The following ZSCAN20 variants were observed in gnomAD, a reference collection of about 807,000 sequenced individuals.
ZSCAN20 encodes zinc finger and SCAN domain containing 20, also known as zinc finger and SCAN domain-containing protein 20.
Under a neutral mutation model 97.1 loss-of-function variants are expected in ZSCAN20, and 39 were observed. That is an observed-to-expected ratio of 0.40 (90% CI 0.31 to 0.52). ZSCAN20 has a LOEUF of 0.52. Among genes scored for constraint, ZSCAN20 ranks in the 20% least tolerant of loss-of-function variants. The probability of loss-of-function intolerance (pLI) is 0.49; values close to 1 mark genes in which losing one functional copy is unlikely to be tolerated. For missense variants in ZSCAN20, 1,115 were observed against 1,290.4 expected, an observed-to-expected ratio of 0.86 and a Z score of 2.08; for synonymous variants, 456 against 467.3, an observed-to-expected ratio of 0.98 and a Z score of 0.31.
At position 33,495,205 on chromosome 1, in the gene ZSCAN20, C is replaced by T. The variant is rs1652812268; in HGVS notation, c.2861C>T (p.Thr954Ile). The change falls in exon 8 of 8, where the codon ACA becomes ATA. Residue 954 changes from threonine to isoleucine, a missense_variant. Around this residue, in one of 3 missense-constraint regions of ZSCAN20, gnomAD observed 554 missense variants for 584.9 expected, o/e 0.95. Transcript: ENST00000684572. ...CTCATCACACACCAGAGAGTGCACA[C>T]AGGAGAGAAGCCCTACAAATGCCTT... ...SKLITHQRVH[T>I]GEKPYKCLEC... 5.0e-6 allele frequency: 8 copies of T among 1,614,054 alleles called. No individual in the cohort carries two copies. Among genetic ancestry groups the T allele is most frequent in the Non-Finnish European group, 6.8e-6 (8 of 1,179,972 alleles).
In ZSCAN20 at chr1:33,473,262, C is replaced by T. The variant is rs1187449319; in HGVS notation, c.-111+571C>T. Among the ~76,000 whole-genome samples, 3 of 152,102 alleles carry T rather than the reference C, an allele frequency of 2.0e-5. No individual in the cohort carries two copies. In the South Asian group the frequency reaches 6.2e-4, roughly 32 times the overall value. ...TTTACCTACCTACCTACCTACTTAC[C>T]CACTGATTCCTCTTGCATTCTTCCA... On this transcript the variant is annotated intron_variant, in intron 1 of 7. Coordinates refer to ENST00000684572, the MANE Select transcript of ZSCAN20 (RefSeq NM_001377376.1).
Position 33,479,390 on chromosome 1 carries a change from C to A in ZSCAN20, c.102C>A (p.Ser34=). Residue 34 remains serine (S), a synonymous_variant, in exon 2 of 8, where the codon TCC becomes TCA. Coordinates refer to ENST00000684572, the MANE Select transcript of ZSCAN20 (RefSeq NM_001377376.1). ...KLEEDSWGSE[S]KLWEKDRGSV... ...AAGAGGACTCTTGGGGATCAGAATCCAAACTCTGGGAGAAGGACCGTGGCT... is the reference window on the plus strand; with the variant it reads ...AAGAGGACTCTTGGGGATCAGAATCAAAACTCTGGGAGAAGGACCGTGGCT... 2 of 1,614,244 alleles carry A rather than the reference C, an allele frequency of 1.2e-6. No homozygotes were observed. The highest frequency in any genetic ancestry group is 1.7e-6 in the Non-Finnish European group (2 of 1,180,038).
intron 1 of ZSCAN20, among the ~76,000 whole-genome samples, chr1:33,477,225 G>A (rs972605906): frequency 2.0e-5 from 3 of 152,178 alleles, no homozygotes; most frequent in Non-Finnish European, 4.4e-5. Flanking sequence ...GAAGCTGCCA[G>A]GTAGCCATGA....
rs369459518 is a variant in ZSCAN20, at chr1:33,501,039, G to A, written c.*5563G>A. ...ATTTATAGGCACTGGGGACCAGCAG[G>A]AAGTGGTGGTGAGACACTTTGAAAC... On this transcript the variant is annotated 3_prime_UTR_variant, in exon 8 of 8. Transcript: ENST00000684572. 2.6e-5 allele frequency among the ~76,000 whole-genome samples: 4 copies of A among 152,314 alleles called. No homozygotes were observed. The East Asian group carries it at 5.8e-4, about 22-fold the overall frequency.
chr1:33,495,522 TATATC>T lies in ZSCAN20; in HGVS notation c.*50_*54del. ...AAAGGAGGACTCAATGTATATATCT[TATATC>T]ATAAGATGTATGCTAGAGATAAACT... is the stretch of plus-strand genomic sequence containing the variant. On this transcript the variant is annotated 3_prime_UTR_variant, in exon 8 of 8. Transcript: ENST00000684572. The T allele has an allele frequency of 7.0e-7, 1 of 1,436,560 alleles. No individual in the cohort carries two copies. The allele number at this position is 1,436,560 out of a possible 1,614,324, so 89.0% of individuals were successfully genotyped here.
intron 3 of ZSCAN20, 114 bp downstream of exon 3, chr1:33,488,765 C>A: frequency 8.4e-7 from 1 of 1,185,406 alleles, no homozygotes. Flanking sequence ...AAGGGATAGG[C>A]TGCAGTGTGG....
Position 33,482,191 on chromosome 1 carries a change from T to C in ZSCAN20, c.417+2486T>C, listed in dbSNP as rs80284096. Among the ~76,000 whole-genome samples, 531 of 152,308 alleles carry C rather than the reference T, an allele frequency of 3.5e-3. 5 individuals carry two copies. The highest frequency in any genetic ancestry group is 0.012 in the African/African-American group (510 of 41,572). Reference sequence around the variant, plus strand: ...CCATTGTAGTGACATACAGAGTAGCTTCACTGCTGTAAAAACCCTCTGTGT... The same window carrying C: ...CCATTGTAGTGACATACAGAGTAGCCTCACTGCTGTAAAAACCCTCTGTGT... On this transcript the variant is annotated intron_variant, in intron 2 of 7. Coordinates refer to ENST00000684572, the MANE Select transcript of ZSCAN20 (RefSeq NM_001377376.1).
chr1:33,490,087 C>T (rs534329739), intron 5 of ZSCAN20, among the ~76,000 whole-genome samples: 14 of 152,274 alleles, frequency 9.2e-5, no homozygotes, highest in African/African-American at 2.9e-4. Flanking sequence ...AATAGGGAGC[C>T]GTTTCCCTGT....
chr1:33,480,084 C>A (rs10493052), intron 2 of ZSCAN20, among the ~76,000 whole-genome samples: 20,322 of 152,200 alleles, frequency 0.13, 1,451 homozygotes, highest in Middle Eastern at 0.16. Context: ...CTACCGTATT[C>A]ACAATATGAT....
At position 33,491,740 on chromosome 1, in the gene ZSCAN20, A is replaced by G. The variant is rs373871474; in HGVS notation, c.1444+38A>G. The G allele has an allele frequency of 7.2e-6, 11 of 1,522,830 alleles. No homozygotes were observed. Among genetic ancestry groups the G allele is most frequent in the East Asian group, 4.5e-5 (2 of 44,106 alleles). 94.3% of individuals were successfully genotyped at this position (1,522,830 alleles called of 1,614,324 possible). A position where few individuals can be genotyped will look rare whatever the true frequency, so the allele number is the denominator to read the frequency against. ...GGGTTTAGTCAGATTCAGATTTCCA[A>G]CCCTCCTACCAGCTAGACTGCTATT... is the stretch of plus-strand genomic sequence containing the variant. On this transcript the variant is annotated intron_variant, in intron 6 of 7. Transcript: ENST00000684572. The surrounding 1 kb of genome is among the most constrained non-coding windows in gnomAD (Gnocchi z 4.3).
chr1:33,488,769 A>G (rs1652473213), intron 3 of ZSCAN20, 118 bp downstream of exon 3: 6 of 1,136,264 alleles, frequency 5.3e-6, no homozygotes, highest in South Asian at 1.5e-5. Flanking sequence ...GATAGGCTGC[A>G]GTGTGGTGGG....
At position 33,491,821 on chromosome 1, in the gene ZSCAN20, C is replaced by A; in HGVS notation, c.1444+119C>A. 1 of 1,032,396 alleles carries A rather than the reference C, an allele frequency of 9.7e-7. No homozygotes were observed. Among genetic ancestry groups the A allele is most frequent in the Non-Finnish European group, 1.4e-6 (1 of 727,610 alleles). 64.0% of individuals were successfully genotyped at this position (1,032,396 alleles called of 1,614,324 possible). On this transcript the variant is annotated intron_variant, in intron 6 of 7. Transcript: ENST00000684572. The surrounding 1 kb of genome is among the most constrained non-coding windows in gnomAD (Gnocchi z 4.3). ...GGATTGAAGCCACTAGAGTGAAGAG[C>A]TACATTCCTTAGGTCATCCTCAAAC...
chr1:33,489,351 A>C, intron 4 of ZSCAN20, 160 bp downstream of exon 4: 1 of 977,966 alleles, frequency 1.0e-6, no homozygotes. Context: ...GGCCCCAAAC[A>C]TCCCCAAACA....
Position 33,491,851 on chromosome 1 carries a change from A to G in ZSCAN20, c.1444+149A>G, listed in dbSNP as rs936185927. ...TTCCTTAGGTCATCCTCAAACTCCAACTTTCTTTTCCCATGACCAAGTCTC... is the reference window on the plus strand; with the variant it reads ...TTCCTTAGGTCATCCTCAAACTCCAGCTTTCTTTTCCCATGACCAAGTCTC... On this transcript the variant is annotated intron_variant, in intron 6 of 7. Transcript: ENST00000684572. This position sits in a 1 kb window ranked among gnomAD's most constrained non-coding sequence, Gnocchi z 4.3. The G allele has an allele frequency of 2.3e-5, 17 of 740,878 alleles. No individual in the cohort carries two copies. Among genetic ancestry groups the G allele is most frequent in the Non-Finnish European group, 3.0e-5 (15 of 497,746 alleles). 45.9% of individuals were successfully genotyped at this position (740,878 alleles called of 1,614,324 possible).
chr1:33,489,532 T>C lies in ZSCAN20; in HGVS notation c.696T>C (p.Pro232=). ...GCATCTCGCAGGAAGCCCTGGGCCCTGGCAAACATGCTGAGAAGGAGCTCT... is the reference window on the plus strand; with the variant it reads ...GCATCTCGCAGGAAGCCCTGGGCCCCGGCAAACATGCTGAGAAGGAGCTCT... The part of the protein sequence containing the change: ...VTAESQEALG[P]GKHAEKELCK... Residue 232 remains proline (P), a synonymous_variant, in exon 5 of 8, where the codon CCT becomes CCC. Transcript: ENST00000684572. 6.2e-7 allele frequency: 1 copy of C among 1,613,980 alleles called. No individual in the cohort carries two copies. Among genetic ancestry groups the C allele is most frequent in the Non-Finnish European group, 8.5e-7 (1 of 1,179,908 alleles).
intron 1 of ZSCAN20, among the ~76,000 whole-genome samples, chr1:33,475,920 G>A (rs1167441113): frequency 1.3e-5 from 2 of 151,146 alleles, no homozygotes; most frequent in South Asian, 2.1e-4. Context: ...TCCCTGCCTC[G>A]GCCTCCCAAA....
chr1:33,479,313 G>A lies in ZSCAN20; in HGVS notation c.25G>A (p.Ala9Thr). 6.2e-7 allele frequency: 1 copy of A among 1,610,912 alleles called. No homozygotes were observed. The highest frequency in any genetic ancestry group is 8.5e-7 in the Non-Finnish European group (1 of 1,178,150). Residue 9 changes from alanine to threonine, a missense_variant, in exon 2 of 8, where the codon GCC becomes ACC. By Grantham distance (58) the Ala-to-Thr change is moderately conservative. Transcript: ENST00000684572. MAMALELQ[A>T]QASPQPEPEE... The stretch of plus-strand genomic sequence containing the variant: ...AATGGCTATGGCCCTGGAATTGCAA[G>A]CCCAGGCATCTCCGCAGCCAGAGCC...
chr1:33,488,776 TG>T, intron 3 of ZSCAN20, 125 bp downstream of exon 3: 1 of 1,039,406 alleles, frequency 9.6e-7, no homozygotes, highest in Non-Finnish European at 1.4e-6. Flanking sequence ...TGCAGTGTGG[TG>T]GGCACACTTA....
intron 2 of ZSCAN20, among the ~76,000 whole-genome samples, chr1:33,482,247 C>T (rs1557437500): frequency 6.6e-6 from 1 of 152,174 alleles, no homozygotes; most frequent in Non-Finnish European, 1.5e-5. Flanking sequence ...TCCCCCCAAC[C>T]CCTGGCAACA....
Sources: gnomAD v4.1 joint callset for allele counts (sites outside exome capture counted in the v4.1 genomes callset) on GRCh38, gnomAD v4.1.1 for gene constraint, gnomAD v4.1.1 regional missense constraint, Gnocchi (gnomAD v3.1) non-coding constraint, MANE v1.5 for transcripts, NCBI Gene and HGNC (gene_info 2026-07-23, HGNC 2026-07-21) for gene names.